LSM3: variants seen among roughly 807,000 people sequenced by gnomAD.
The protein encoded by LSM3 is LSM3 homolog, U6 small nuclear RNA and mRNA degradation associated.
A neutral mutation model predicts 15.4 loss-of-function variants in LSM3; 14 were observed. That is an observed-to-expected ratio of 0.91 (90% CI 0.60 to 1.42). LSM3 has a LOEUF of 1.42. LSM3 is among the 40% of genes most tolerant of loss of function. The pLI is 0.00. For missense variants in LSM3, 88 were observed against 127.9 expected (o/e 0.69, Z 1.50); for synonymous variants, 46 against 45.1 (o/e 1.02, Z -0.08).
chr3:14,185,208 C>T (rs1697077455), intron 3 of LSM3, among the ~76,000 whole-genome samples: 3 of 150,268 alleles, frequency 2.0e-5, no homozygotes, highest in South Asian at 2.1e-4. Flanking sequence ...AAATATTAGC[C>T]GGCCGTGGCG....
intron 3 of LSM3, among the ~76,000 whole-genome samples, chr3:14,185,854 TATTTCTTCAGTGTTTAAAAAAAATCAC>T (rs1303274682): frequency 1.3e-5 from 2 of 152,348 alleles, no homozygotes; most frequent in East Asian, 3.9e-4. Flanking sequence ...AGATTCATTT[TATTTCTTCAGTGTTTAAAAAAAATCAC>T]ATTTATTAGT....
Position 14,193,551 on chromosome 3 carries a change from C to T in LSM3, c.229-4485C>T, listed in dbSNP as rs1697160530. The stretch of plus-strand genomic sequence containing the variant: ...TGATCTTCAATCACTGATGTCCTTT[C>T]TTCCACTTGATTGATTCAGCTATTG... On this transcript the variant is annotated intron_variant, in intron 3 of 3. Transcript: ENST00000306024. 1.3e-5 allele frequency among the ~76,000 whole-genome samples: 2 copies of T among 152,174 alleles called. 1 individual carries two copies. Among genetic ancestry groups the T allele is most frequent in the South Asian group, 4.1e-4 (2 of 4,828 alleles).
In LSM3 at chr3:14,200,863, GAC is replaced by G. The variant is rs1261304887; in HGVS notation, c.*2754_*2755del. The G allele has an allele frequency of 6.6e-6, 1 of 152,164 alleles. No individual in the cohort carries two copies. Among genetic ancestry groups the G allele is most frequent in the Non-Finnish European group, 1.5e-5 (1 of 68,032 alleles). 9.4% of individuals were successfully genotyped at this position (152,164 alleles called of 1,614,324 possible). A position where few individuals can be genotyped will look rare whatever the true frequency, so the allele number is the denominator to read the frequency against. ...TTTAATCAGCTAAAGTGGGTGCGGT[GAC>G]ACACACCTGTAAACTCAACCACTAA... On this transcript the variant is annotated 3_prime_UTR_variant, in exon 4 of 4. Transcript: ENST00000306024.
intron 3 of LSM3, among the ~76,000 whole-genome samples, chr3:14,188,375 A>C (rs376058045): frequency 1.7e-4 from 26 of 152,258 alleles, no homozygotes; most frequent in South Asian, 4.1e-4. Flanking sequence ...TACTTAACAC[A>C]TATTTCTTTT....
At chr3:14,185,079 A>G (rs1453952470) in intron 3 of LSM3, among the ~76,000 whole-genome samples, 1 of 149,652 alleles carries the variant, frequency 6.7e-6, no homozygotes, top group Non-Finnish European at 1.5e-5. Flanking sequence ...GGCTGGGTGC[A>G]GTGGCTCATG....
At chr3:14,190,169 G>A (rs1282873889) in intron 3 of LSM3, among the ~76,000 whole-genome samples, 1 of 152,096 alleles carries the variant, frequency 6.6e-6, no homozygotes, top group Non-Finnish European at 1.5e-5. Flanking sequence ...ATCTGTTTTG[G>A]TACCAGTACC....
At chr3:14,182,440 A>G (rs1697048438) in intron 2 of LSM3, among the ~76,000 whole-genome samples, 1 of 151,386 alleles carries the variant, frequency 6.6e-6, no homozygotes, top group African/African-American at 2.4e-5. Context: ...TATGATAGTG[A>G]TCGATTTTTT....
intron 3 of LSM3, among the ~76,000 whole-genome samples, chr3:14,188,884 G>A (rs767081879): frequency 3.3e-5 from 5 of 151,958 alleles, no homozygotes; most frequent in Admixed American, 6.6e-5. Context: ...GTATACACGT[G>A]CCCTGGTGGT....
rs1559394117 is a variant in LSM3 at position 14,198,787 on chromosome 3, G to GCAACC, written c.*673_*674insACCCA. The GCAACC allele has an allele frequency of 6.6e-6, 1 of 151,742 alleles. No homozygotes were observed. Among genetic ancestry groups the GCAACC allele is most frequent in the Non-Finnish European group, 1.5e-5 (1 of 68,108 alleles). 9.4% of individuals were successfully genotyped at this position (151,742 alleles called of 1,614,324 possible). On this transcript the variant is annotated 3_prime_UTR_variant, in exon 4 of 4. Transcript: ENST00000306024. The stretch of plus-strand genomic sequence containing the variant: ...GGCAGTAGACGCTTGAACCCAGGAG[G>GCAACC]CAGAGGTTGCAGTGAGCCAAGATCA...
chr3:14,179,555 C>G (rs367716935), intron 1 of LSM3, among the ~76,000 whole-genome samples: 1 of 152,178 alleles, frequency 6.6e-6, no homozygotes, highest in African/African-American at 2.4e-5. Context: ...AAATAGCACT[C>G]CCGCTACTCT....
Position 14,187,963 on chromosome 3 carries a change from C to T in LSM3, c.228+3931C>T, listed in dbSNP as rs187565821. Among the ~76,000 whole-genome samples, 46 of 152,312 alleles carry T rather than the reference C, an allele frequency of 3.0e-4. No individual in the cohort carries two copies. In the East Asian group the frequency reaches 8.5e-3, roughly 28 times the overall value. ...GTGTACTACCTTCCTTCACCAAACA[C>T]CTCGTAGTTTGGCTCACCAGACAGT... On this transcript the variant is annotated intron_variant, in intron 3 of 3. Coordinates refer to ENST00000306024, the MANE Select transcript of LSM3 (RefSeq NM_014463.3).
In LSM3 at chr3:14,181,552, T is replaced by C; in HGVS notation, c.22-8T>C. On this transcript the variant is annotated splice_region_variant and splice_polypyrimidine_tract_variant and intron_variant, in intron 1 of 3. Coordinates refer to ENST00000306024, the MANE Select transcript of LSM3 (RefSeq NM_014463.3). ...GTACTACATTACTAATCCTGTTTCTTTTATCAGCAACAAACTACCAACACT... is the reference window on the plus strand; with the variant it reads ...GTACTACATTACTAATCCTGTTTCTCTTATCAGCAACAAACTACCAACACT... 1 of 1,580,576 alleles carries C rather than the reference T, an allele frequency of 6.3e-7. No homozygotes were observed. The highest frequency in any genetic ancestry group is 8.7e-7 in the Non-Finnish European group (1 of 1,149,708).
At chr3:14,182,954 G>A (rs1480672038) in intron 2 of LSM3, among the ~76,000 whole-genome samples, 1 of 152,184 alleles carries the variant, frequency 6.6e-6, no homozygotes, top group Non-Finnish European at 1.5e-5. Flanking sequence ...AGGAAATAGG[G>A]ACCCAGGGAG....
At chr3:14,193,481 AT>A (rs1248732730) in intron 3 of LSM3, among the ~76,000 whole-genome samples, 1 of 151,996 alleles carries the variant, frequency 6.6e-6, no homozygotes, top group Non-Finnish European at 1.5e-5. Context: ...TGTTCCTTTT[AT>A]TCTTTTTTCT....
chr3:14,189,761 C>T (rs530381629), intron 3 of LSM3, among the ~76,000 whole-genome samples: 78 of 152,128 alleles, frequency 5.1e-4, no homozygotes, highest in Non-Finnish European at 9.6e-4. Context: ...CCTGTTCACT[C>T]ATGATAGTTT....
chr3:14,184,743 C>T (rs1310122924), intron 3 of LSM3, among the ~76,000 whole-genome samples: 6 of 136,822 alleles, frequency 4.4e-5, no homozygotes, highest in Middle Eastern at 5.2e-3. Context: ...GGCGACAGAG[C>T]GAGACTCCGT....
At position 14,182,582 on chromosome 3, in the gene LSM3, G is replaced by C. The variant is rs79966721; in HGVS notation, c.132+912G>C. Among the ~76,000 whole-genome samples, 4 of 152,092 alleles carry C rather than the reference G, an allele frequency of 2.6e-5. No homozygotes were observed. The East Asian group carries it at 7.7e-4, about 29-fold the overall frequency. On this transcript the variant is annotated intron_variant, in intron 2 of 3. Coordinates refer to ENST00000306024, the MANE Select transcript of LSM3 (RefSeq NM_014463.3). ...CCATTTGTTCATAGAGAACCCTGAA[G>C]GTTTTGCCTCTCCTTAATGACTTGT...
intron 3 of LSM3, among the ~76,000 whole-genome samples, chr3:14,193,932 CTT>C (rs768389974): frequency 3.9e-5 from 6 of 152,280 alleles, no homozygotes; most frequent in Non-Finnish European, 7.4e-5. Flanking sequence ...TACCTCTAGT[CTT>C]TGATGTTGGT....
intron 3 of LSM3, among the ~76,000 whole-genome samples, chr3:14,188,253 G>A (rs868045743): frequency 6.6e-6 from 1 of 152,110 alleles, no homozygotes; most frequent in East Asian, 1.9e-4. Flanking sequence ...AATTTAATGA[G>A]CCACCTGTGA....
Sources: gnomAD v4.1 joint callset for allele counts (sites outside exome capture counted in the v4.1 genomes callset) on GRCh38, gnomAD v4.1.1 for gene constraint, MANE v1.5 for transcripts, NCBI Gene and HGNC (gene_info 2026-07-23, HGNC 2026-07-21) for gene names.